Variants in ETV5 observed in about 807,000 individuals in gnomAD.
The protein encoded by ETV5 is ETS variant transcription factor 5.
Under a neutral mutation model 70.0 loss-of-function variants are expected in ETV5, and 10 were observed. That is an observed-to-expected ratio of 0.14 (90% CI 0.09 to 0.24). The LOEUF (loss-of-function observed/expected upper bound fraction) is 0.24. Among genes scored for constraint, ETV5 ranks in the 10% least tolerant of loss-of-function variants. ETV5 has a pLI of 1.00. For missense variants in ETV5, 453 were observed against 651.2 expected (o/e 0.70, Z 3.31); for synonymous variants, 216 against 242.2 (o/e 0.89, Z 1.01).
chr3:186,048,935 C>T (rs1442323896), intron 12 of ETV5, 75 bp from the exon 13 acceptor site: 47 of 1,269,642 alleles, frequency 3.7e-5, no homozygotes, highest in Non-Finnish European at 4.4e-5. Flanking sequence ...CGAGGTATTC[C>T]TAAGTCACAA....
At position 186,064,493 on chromosome 3, in the gene ETV5, G is replaced by A; in HGVS notation, c.911-17C>T. 2 of 1,613,518 alleles carry A rather than the reference G, an allele frequency of 1.2e-6. No homozygotes were observed. The highest frequency in any genetic ancestry group is 1.1e-5 in the South Asian group (1 of 91,054). ...TAGGCACTTCTGAAAGGAAAGCAAA[G>A]GTGGACACAATCCTGTCAATAGTTT... On this transcript the variant is annotated splice_polypyrimidine_tract_variant and intron_variant, in intron 8 of 12. Transcript: ENST00000306376.
intron 1 of ETV5, among the ~76,000 whole-genome samples, chr3:186,108,089 T>C (rs1714638178): frequency 6.7e-6 from 1 of 150,338 alleles, no homozygotes; most frequent in Non-Finnish European, 1.5e-5. Context: ...AAAAACGAGG[T>C]GCGGCGCCCG....
intron 1 of ETV5, among the ~76,000 whole-genome samples, chr3:186,106,209 G>C (rs1322352634): frequency 6.6e-6 from 1 of 151,920 alleles, no homozygotes; most frequent in Non-Finnish European, 1.5e-5. Context: ...ATTTGCTACT[G>C]TCTGTTCTCT....
rs185654202 is a variant in ETV5, at chr3:186,063,681, T to A, written c.970+736A>T. ...CATGTTTCTCCTTTGAGGTATTTTT[T>A]AAAAATCCAATGAGAAAACATTTGT... On this transcript the variant is annotated intron_variant, in intron 9 of 12. Transcript: ENST00000306376. Among the ~76,000 whole-genome samples, 495 of 152,330 alleles carry A rather than the reference T, an allele frequency of 3.2e-3. 4 individuals are homozygous for A. The highest frequency in any genetic ancestry group is 0.011 in the African/African-American group (456 of 41,570).
chr3:186,069,130 T>C (rs909863933), intron 7 of ETV5, among the ~76,000 whole-genome samples: 1 of 152,180 alleles, frequency 6.6e-6, no homozygotes, highest in African/African-American at 2.4e-5. Context: ...ACTGTTTACA[T>C]CAGGGTATAG....
At chr3:186,079,195 T>C (rs181956186) in intron 7 of ETV5, 403 of 647,540 alleles carry the variant, frequency 6.2e-4, no homozygotes, top group Non-Finnish European at 7.3e-4. Context: ...GTTTGGAGTG[T>C]GCAGAGAAGG....
chr3:186,097,790 T>C (rs1714339494), intron 5 of ETV5, among the ~76,000 whole-genome samples: 1 of 152,204 alleles, frequency 6.6e-6, no homozygotes, highest in Admixed American at 6.5e-5. Context: ...GAAACTAATT[T>C]TGGAGGCTCT....
chr3:186,057,505 T>A lies in ETV5; in HGVS notation c.971-14A>T, dbSNP rs753539526. On this transcript the variant is annotated splice_polypyrimidine_tract_variant and intron_variant, in intron 9 of 12. Transcript: ENST00000306376. The surrounding 1 kb of genome is among the most constrained non-coding windows in gnomAD (Gnocchi z 4.9). ...CATATGAAAAACCTGAAAGAGAATT[T>A]AAAAGAAAGACTACGTTGCTTAACA... is the stretch of plus-strand genomic sequence containing the variant. 1 of 1,606,180 alleles carries A rather than the reference T, an allele frequency of 6.2e-7. No individual in the cohort carries two copies. The highest frequency in any genetic ancestry group is 2.2e-5 in the East Asian group (1 of 44,834).
intron 5 of ETV5, chr3:186,084,282 T>TAAAAAAAAAAAAAAAA: frequency 3.2e-5 from 7 of 216,744 alleles, no homozygotes; most frequent in East Asian, 1.4e-4. Context: ...AAAGAAATGC[T>TAAAAAAAAAAAAAAAA]AAAAAAAAAA....
chr3:186,065,049 G>C (rs947563181), intron 8 of ETV5, among the ~76,000 whole-genome samples: 1 of 152,188 alleles, frequency 6.6e-6, no homozygotes, highest in Non-Finnish European at 1.5e-5. Context: ...TGCTGGGGCT[G>C]TCATACTGAA....
In ETV5 at chr3:186,047,765, G is replaced by A. The variant is rs1712915693; in HGVS notation, c.*874C>T. 1 of 231,752 alleles carries A rather than the reference G, an allele frequency of 4.3e-6. No individual in the cohort carries two copies. Among genetic ancestry groups the A allele is most frequent in the Admixed American group, 5.7e-5 (1 of 17,486 alleles). The allele number at this position is 231,752 out of a possible 1,614,324, so 14.4% of individuals were successfully genotyped here. ...CACGGCCCTGGCTAAAGGACACAGT[G>A]CACAGTTACCAAAAGGTTTGTTTTT... On this transcript the variant is annotated 3_prime_UTR_variant, in exon 13 of 13. Transcript: ENST00000306376.
In ETV5 at chr3:186,105,636, T is replaced by A; in HGVS notation, c.122A>T (p.His41Leu). 1 of 1,614,236 alleles carries A rather than the reference T, an allele frequency of 6.2e-7. No individual in the cohort carries two copies. Among genetic ancestry groups the A allele is most frequent in the Non-Finnish European group, 8.5e-7 (1 of 1,180,034 alleles). ...GAAAGCTTTACTACCTTCAGAATCG[T>A]GAGCCAGATCTGTGTCCAAAAACTT... is the stretch of plus-strand genomic sequence containing the variant. Reference protein sequence around the residue: ...KRKFLDTDLAHDSEELFQDLS... With the variant: ...KRKFLDTDLALDSEELFQDLS... Residue 41 changes from histidine (H) to leucine (L), a missense_variant, in exon 3 of 13, where the codon CAC (histidine) becomes CTC (leucine). By Grantham distance (99) the His-to-Leu change is moderately conservative. Around this residue, in one of 4 missense-constraint regions of ETV5, gnomAD observed 47 missense variants for 96.8 expected, o/e 0.49. Coordinates refer to ENST00000306376, the MANE Select transcript of ETV5 (RefSeq NM_004454.3). The surrounding 1 kb of genome is among the most constrained non-coding windows in gnomAD (Gnocchi z 4.5).
chr3:186,069,115 A>T lies in ETV5; in HGVS notation c.651-3043T>A, dbSNP rs557327460. Among the ~76,000 whole-genome samples the T allele has an allele frequency of 1.0e-2, 1,520 of 152,348 alleles. 25 individuals carry two copies. The highest frequency in any genetic ancestry group is 0.034 in the African/African-American group (1,432 of 41,568). On this transcript the variant is annotated intron_variant, in intron 7 of 12. Coordinates refer to ENST00000306376, the MANE Select transcript of ETV5 (RefSeq NM_004454.3). The stretch of plus-strand genomic sequence containing the variant: ...AAACTGAAGAGATCTGTGTACAGAT[A>T]GAACACTGTTTACATCAGGGTATAG...
intron 7 of ETV5, among the ~76,000 whole-genome samples, chr3:186,077,644 C>T (rs1268766359): frequency 1.3e-5 from 2 of 152,090 alleles, no homozygotes; most frequent in Admixed American, 6.5e-5. Flanking sequence ...AAGACTATAT[C>T]CAGGCCCCGC....
chr3:186,069,598 G>C (rs1004488864), intron 7 of ETV5, among the ~76,000 whole-genome samples: 1 of 150,034 alleles, frequency 6.7e-6, no homozygotes, highest in Admixed American at 6.7e-5. Context: ...CGAGTGACTC[G>C]ATCTCAGCTC....
At position 186,105,629 on chromosome 3, in the gene ETV5, A is replaced by C. The variant is rs1449877551; in HGVS notation, c.129T>G (p.Ser43=). 6.2e-7 allele frequency: 1 copy of C among 1,614,246 alleles called. No homozygotes were observed. The highest frequency in any genetic ancestry group is 1.1e-5 in the South Asian group (1 of 91,090). Residue 43 remains serine (S), a synonymous_variant, in exon 3 of 13, where the codon TCT becomes TCG. Transcript: ENST00000306376. The surrounding 1 kb of genome is among the most constrained non-coding windows in gnomAD (Gnocchi z 4.5). ...KFLDTDLAHD[S]EELFQDLSQL... ...AATCAGGGAAAGCTTTACTACCTTCAGAATCGTGAGCCAGATCTGTGTCCA... is the reference window on the plus strand; with the variant it reads ...AATCAGGGAAAGCTTTACTACCTTCCGAATCGTGAGCCAGATCTGTGTCCA...
chr3:186,100,672 A>G (rs1182785514), intron 5 of ETV5, among the ~76,000 whole-genome samples: 1 of 152,208 alleles, frequency 6.6e-6, no homozygotes, highest in Non-Finnish European at 1.5e-5. Flanking sequence ...TACTTCCTCC[A>G]GTTGTTCCAT....
In ETV5 at chr3:186,105,502, A is replaced by G. The variant is rs373688403; in HGVS notation, c.134-6T>C. 1.2e-4 allele frequency: 186 copies of G among 1,614,060 alleles called. No individual in the cohort carries two copies. Among genetic ancestry groups the G allele is most frequent in the Non-Finnish European group, 1.4e-4 (168 of 1,180,028 alleles). ...ACTGAGATCCTGAAATAGCTCTGAA[A>G]TTGAAAAAGAAGACCCCAGAATGAG... is the stretch of plus-strand genomic sequence containing the variant. On this transcript the variant is annotated splice_region_variant and splice_polypyrimidine_tract_variant and intron_variant, in intron 3 of 12. Transcript: ENST00000306376. This position sits in a 1 kb window ranked among gnomAD's most constrained non-coding sequence, Gnocchi z 4.5.
At chr3:186,090,280 T>A (rs919852526) in intron 5 of ETV5, among the ~76,000 whole-genome samples, 3 of 152,214 alleles carry the variant, frequency 2.0e-5, no homozygotes, top group Non-Finnish European at 4.4e-5. Flanking sequence ...TGGTCATACC[T>A]AATGTCTACG....
Sources: gnomAD v4.1 joint callset for allele counts (sites outside exome capture counted in the v4.1 genomes callset) on GRCh38, gnomAD v4.1.1 for gene constraint, gnomAD v4.1.1 regional missense constraint, Gnocchi (gnomAD v3.1) non-coding constraint, MANE v1.5 for transcripts, NCBI Gene and HGNC (gene_info 2026-07-23, HGNC 2026-07-21) for gene names.